CCDC112: variants seen among roughly 807,000 people sequenced by gnomAD.
CCDC112 encodes the protein coiled-coil domain-containing protein 112.
Under a neutral mutation model 66.3 loss-of-function variants are expected in CCDC112, and 40 were observed. That is an observed-to-expected ratio of 0.60 (90% CI 0.47 to 0.79). The LOEUF (loss-of-function observed/expected upper bound fraction) is 0.79, where lower values mean the gene tolerates loss of function less well. Among genes scored for constraint, CCDC112 ranks in the 30% least tolerant of loss-of-function variants. The pLI, the probability that CCDC112 is intolerant of heterozygous loss-of-function variation, is 0.00. For missense variants in CCDC112, 659 were observed against 603.8 expected (o/e 1.09, Z -0.96); for synonymous variants, 214 against 197.2 (o/e 1.09, Z -0.71).
At chr5:115,293,615 C>T (rs1750027604) in intron 1 of CCDC112, among the ~76,000 whole-genome samples, 1 of 152,268 alleles carries the variant, frequency 6.6e-6, no homozygotes, top group African/African-American at 2.4e-5. Context: ...CCTCTTCCTT[C>T]CATCATCACA....
chr5:115,276,932 A>G, intron 4 of CCDC112, 33 bp downstream of exon 4: 2 of 1,374,270 alleles, frequency 1.5e-6, no homozygotes, highest in Non-Finnish European at 2.1e-6. Flanking sequence ...ATACTAACAC[A>G]TAAGAAAGAT....
chr5:115,286,785 TGAGGCCACCAG>T (rs1281912374), intron 1 of CCDC112, among the ~76,000 whole-genome samples: 2 of 151,704 alleles, frequency 1.3e-5, no homozygotes, highest in East Asian at 3.9e-4. Flanking sequence ...CATGGTGGTG[TGAGGCCACCAG>T]GAGGCCACCT....
intron 4 of CCDC112, 39 bp from the exon 5 acceptor site, chr5:115,276,108 C>T (rs1426906024): frequency 1.4e-6 from 2 of 1,388,248 alleles, no homozygotes; most frequent in Non-Finnish European, 2.0e-6. Context: ...GTGCCATTTT[C>T]CCATATGGCT....
At chr5:115,292,284 A>G (rs1561501202) in intron 1 of CCDC112, among the ~76,000 whole-genome samples, 2 of 152,118 alleles carry the variant, frequency 1.3e-5, no homozygotes, top group Admixed American at 6.5e-5. Context: ...TCTGGTGTTG[A>G]GTCTCTCTAG....
chr5:115,283,577 A>G (rs1468342006), intron 2 of CCDC112, among the ~76,000 whole-genome samples: 4 of 152,170 alleles, frequency 2.6e-5, no homozygotes, highest in Non-Finnish European at 5.9e-5. Flanking sequence ...ATCACACTGT[A>G]GACATTAAAT....
chr5:115,288,155 AT>A (rs1749764023), intron 1 of CCDC112, among the ~76,000 whole-genome samples: 1 of 151,902 alleles, frequency 6.6e-6, no homozygotes, highest in African/African-American at 2.4e-5. Flanking sequence ...TAATTTTTGT[AT>A]TTTTAGTAGA....
intron 1 of CCDC112, among the ~76,000 whole-genome samples, chr5:115,291,998 T>TA (rs1749952923): frequency 6.6e-6 from 1 of 152,222 alleles, no homozygotes; most frequent in South Asian, 2.1e-4. Context: ...TTATTCTACT[T>TA]AGAGTTCATT....
At chr5:115,270,364 A>AT (rs1327729314) in intron 7 of CCDC112, among the ~76,000 whole-genome samples, 3 of 152,188 alleles carry the variant, frequency 2.0e-5, no homozygotes, top group African/African-American at 2.4e-5. Flanking sequence ...ATAACAATTC[A>AT]TAAATTATAT....
chr5:115,272,060 G>C (rs1394292252), intron 6 of CCDC112, among the ~76,000 whole-genome samples: 1 of 151,940 alleles, frequency 6.6e-6, no homozygotes, highest in South Asian at 2.1e-4. Context: ...AAAAAGCTGG[G>C]ATTATAGGCA....
intron 2 of CCDC112, among the ~76,000 whole-genome samples, chr5:115,282,072 G>A (rs1749479393): frequency 6.6e-6 from 1 of 152,030 alleles, no homozygotes; most frequent in Non-Finnish European, 1.5e-5. Flanking sequence ...AGCACTGTTT[G>A]TTATTAAAAA....
At chr5:115,268,786 T>C in intron 9 of CCDC112, 96 bp downstream of exon 9, 1 of 440,446 alleles carries the variant, frequency 2.3e-6, no homozygotes, top group Non-Finnish European at 3.9e-6. Context: ...TTTTCATATA[T>C]ATATGAAAAA....
intron 1 of CCDC112, among the ~76,000 whole-genome samples, chr5:115,290,268 C>T (rs1749865119): frequency 6.6e-6 from 1 of 152,048 alleles, no homozygotes; most frequent in Non-Finnish European, 1.5e-5. Context: ...GTCTTGGCAC[C>T]CTTTTGAAAA....
intron 6 of CCDC112, among the ~76,000 whole-genome samples, chr5:115,273,208 T>C (rs996867194): frequency 6.6e-6 from 1 of 152,176 alleles, no homozygotes; most frequent in African/African-American, 2.4e-5. Context: ...TGGGCCAATT[T>C]TGATAAGCTG....
Position 115,269,693 on chromosome 5 carries a change from T to A in CCDC112, c.1428+10A>T, listed in dbSNP as rs1473122216. 2 of 1,558,920 alleles carry A rather than the reference T, an allele frequency of 1.3e-6. No individual in the cohort carries two copies. Among genetic ancestry groups the A allele is most frequent in the Admixed American group, 3.6e-5 (2 of 55,744 alleles). ...ATAATAACAATGAAAATAATCTCGGTGCAGAGTACCTTTTCTTTTAATTTT... is the reference window on the plus strand; with the variant it reads ...ATAATAACAATGAAAATAATCTCGGAGCAGAGTACCTTTTCTTTTAATTTT... On this transcript the variant is annotated intron_variant, in intron 8 of 9. Transcript: ENST00000379611.
chr5:115,274,399 A>C (rs1272890705), intron 6 of CCDC112, among the ~76,000 whole-genome samples: 2 of 152,210 alleles, frequency 1.3e-5, no homozygotes, highest in African/African-American at 2.4e-5. Flanking sequence ...TATCTGCCAC[A>C]ATCAGGCGTT....
chr5:115,276,123 GTTAAATA>G, intron 4 of CCDC112, 54 bp from the exon 5 acceptor site: 1 of 1,236,910 alleles, frequency 8.1e-7, no homozygotes, highest in Non-Finnish European at 1.2e-6. Context: ...ATGGCTAAAA[GTTAAATA>G]TTAGGAAGAA....
At chr5:115,290,587 T>C (rs1749879219) in intron 1 of CCDC112, among the ~76,000 whole-genome samples, 1 of 152,334 alleles carries the variant, frequency 6.6e-6, no homozygotes, top group South Asian at 2.1e-4. Flanking sequence ...ATTATTGCCA[T>C]CTTAACAAAA....
At chr5:115,293,076 A>G (rs1267623811) in intron 1 of CCDC112, among the ~76,000 whole-genome samples, 1 of 152,218 alleles carries the variant, frequency 6.6e-6, no homozygotes. Context: ...CCTGGAGGAC[A>G]TTACGCTAAG....
intron 1 of CCDC112, among the ~76,000 whole-genome samples, chr5:115,286,487 C>T (rs991108449): frequency 1.5e-4 from 23 of 152,132 alleles, no homozygotes; most frequent in African/African-American, 5.1e-4. Flanking sequence ...ATTATTTGGC[C>T]AAATTAATCT....
Sources: gnomAD v4.1 joint callset for allele counts (sites outside exome capture counted in the v4.1 genomes callset) on GRCh38, gnomAD v4.1.1 for gene constraint, MANE v1.5 for transcripts, NCBI Gene and HGNC (gene_info 2026-07-23, HGNC 2026-07-21) for gene names.